C10orf90: variants seen among roughly 807,000 people sequenced by gnomAD.
The protein encoded by C10orf90 is chromosome 10 open reading frame 90, also known as (E2-independent) E3 ubiquitin-conjugating enzyme FATS.
Under a neutral mutation model 62.5 loss-of-function variants are expected in C10orf90, and 56 were observed. The observed-to-expected ratio is 0.90, with a 90% confidence interval of 0.72 to 1.12. The LOEUF (loss-of-function observed/expected upper bound fraction) is 1.12. Among genes scored for constraint, C10orf90 ranks in the 50% most tolerant of loss-of-function variants. The probability of loss-of-function intolerance (pLI) is 0.00; values close to 1 mark genes in which losing one functional copy is unlikely to be tolerated. For synonymous variants in C10orf90, 386 were observed against 340.4 expected (o/e 1.13, Z -1.47); for missense variants, 970 against 880.4 (o/e 1.10, Z -1.29).
At position 126,602,623 on chromosome 10, in the gene C10orf90, C is replaced by A. The variant is rs144488092; in HGVS notation, c.313+43942G>T. Among the ~76,000 whole-genome samples, 21 of 152,188 alleles carry A rather than the reference C, an allele frequency of 1.4e-4. 1 individual carries two copies. In the East Asian group the frequency reaches 4.1e-3, roughly 29 times the overall value. On this transcript the variant is annotated intron_variant, in intron 2 of 9. Transcript: ENST00000488181. Reference sequence around the variant, plus strand: ...GCCATTTTCCTGGTTTGGACAGAGCCCATAACCACACGAGTGCTTTGAATA... The same window carrying A: ...GCCATTTTCCTGGTTTGGACAGAGCACATAACCACACGAGTGCTTTGAATA...
chr10:126,440,437 G>A (rs1858231321), intron 7 of C10orf90, among the ~76,000 whole-genome samples: 1 of 152,128 alleles, frequency 6.6e-6, no homozygotes, highest in Non-Finnish European at 1.5e-5. Context: ...GCCCCCAGCT[G>A]ATGGTCCTTC....
chr10:126,629,044 A>G (rs1222856464), intron 2 of C10orf90, among the ~76,000 whole-genome samples: 1 of 152,194 alleles, frequency 6.6e-6, no homozygotes, highest in East Asian at 1.9e-4. Flanking sequence ...TGACACTGCC[A>G]ATGCACAAAT....
intron 4 of C10orf90, among the ~76,000 whole-genome samples, chr10:126,484,465 G>A (rs1166859340): frequency 1.3e-5 from 2 of 151,950 alleles, no homozygotes; most frequent in Non-Finnish European, 2.9e-5. Context: ...AATATACATG[G>A]CCAATACATG....
intron 2 of C10orf90, among the ~76,000 whole-genome samples, chr10:126,606,204 C>T (rs1315659119): frequency 3.3e-5 from 5 of 152,102 alleles, no homozygotes; most frequent in Non-Finnish European, 7.3e-5. Flanking sequence ...TGTACTGATG[C>T]ATTAATTAAA....
At position 126,583,526 on chromosome 10, in the gene C10orf90, C is replaced by G. The variant is rs545623823; in HGVS notation, c.313+63039G>C. On this transcript the variant is annotated intron_variant, in intron 2 of 9. Coordinates refer to ENST00000488181, the MANE Select transcript of C10orf90 (RefSeq NM_001350921.2). ...TGTTTCATATTTATGAGATTGAACACTATCAATTTTTTTCTTTTAAATAAT... is the reference window on the plus strand; with the variant it reads ...TGTTTCATATTTATGAGATTGAACAGTATCAATTTTTTTCTTTTAAATAAT... 4.6e-5 allele frequency among the ~76,000 whole-genome samples: 7 copies of G among 152,256 alleles called. No homozygotes were observed. The East Asian group carries it at 1.4e-3, about 29-fold the overall frequency.
intron 2 of C10orf90, among the ~76,000 whole-genome samples, chr10:126,566,017 C>T (rs1844378958): frequency 6.6e-6 from 1 of 152,322 alleles, no homozygotes; most frequent in East Asian, 1.9e-4. Flanking sequence ...TCAGACTACC[C>T]TATTGTCATT....
intron 2 of C10orf90, among the ~76,000 whole-genome samples, chr10:126,626,303 G>C (rs991330469): frequency 6.6e-6 from 1 of 152,160 alleles, no homozygotes; most frequent in African/African-American, 2.4e-5. Flanking sequence ...AACAGACAGG[G>C]AGGGGTTCTT....
intron 2 of C10orf90, among the ~76,000 whole-genome samples, chr10:126,612,878 C>G (rs973562971): frequency 6.6e-6 from 1 of 152,172 alleles, no homozygotes; most frequent in African/African-American, 2.4e-5. Context: ...TACTTTTCAG[C>G]TTCCAGCCTG....
rs544267579 is a variant in C10orf90 at position 126,558,006 on chromosome 10, G to T, written c.314-44067C>A. The stretch of plus-strand genomic sequence containing the variant: ...CCCAGCCAATGATGCAGTCCTGCTG[G>T]CAGCCCTCCTAACGCCCCTCAGACT... On this transcript the variant is annotated intron_variant, in intron 2 of 9. Transcript: ENST00000488181. Among the ~76,000 whole-genome samples the T allele has an allele frequency of 7.4e-4, 112 of 152,166 alleles. 5 individuals are homozygous for T. The highest frequency in any genetic ancestry group is 3.7e-4 in the Non-Finnish European group (25 of 68,008).
intron 2 of C10orf90, among the ~76,000 whole-genome samples, chr10:126,628,701 T>C (rs1278454081): frequency 1.3e-5 from 2 of 152,226 alleles, no homozygotes; most frequent in African/African-American, 4.8e-5. Context: ...TTCTGAACAC[T>C]TGGCAGTAAG....
chr10:126,505,638 G>A (rs890523754), intron 3 of C10orf90, among the ~76,000 whole-genome samples: 2 of 152,142 alleles, frequency 1.3e-5, no homozygotes, highest in African/African-American at 2.4e-5. Context: ...TGGAAGTCAA[G>A]GTCCAGAGAG....
At chr10:126,567,727 G>T (rs551377337) in intron 2 of C10orf90, among the ~76,000 whole-genome samples, 1 of 152,298 alleles carries the variant, frequency 6.6e-6, no homozygotes, top group South Asian at 2.1e-4. Context: ...ACACAGAGGT[G>T]TTGTCACTGT....
Position 126,572,849 on chromosome 10 carries a change from C to T in C10orf90, c.314-58910G>A, listed in dbSNP as rs535307306. ...GCACCATGACAGCTTACAAATGCAACGGCAATGTCAGGAAGTTACCCAATA... is the reference window on the plus strand; with the variant it reads ...GCACCATGACAGCTTACAAATGCAATGGCAATGTCAGGAAGTTACCCAATA... On this transcript the variant is annotated intron_variant, in intron 2 of 9. Coordinates refer to ENST00000488181, the MANE Select transcript of C10orf90 (RefSeq NM_001350921.2). Among the ~76,000 whole-genome samples, 19 of 152,078 alleles carry T rather than the reference C, an allele frequency of 1.2e-4. 1 individual carries two copies. The South Asian group carries it at 2.3e-3, about 18-fold the overall frequency.
intron 7 of C10orf90, among the ~76,000 whole-genome samples, chr10:126,441,502 C>T (rs1858326591): frequency 6.6e-6 from 1 of 152,038 alleles, no homozygotes; most frequent in African/African-American, 2.4e-5. Flanking sequence ...TTGCTAGAGA[C>T]CTAGACATCC....
chr10:126,545,907 T>C (rs181560530), intron 2 of C10orf90, among the ~76,000 whole-genome samples: 56 of 152,284 alleles, frequency 3.7e-4, no homozygotes, highest in African/African-American at 1.3e-3. Context: ...ATATATAAAA[T>C]ATATGTAAGA....
chr10:126,622,635 T>C (rs1056354432), intron 2 of C10orf90, among the ~76,000 whole-genome samples: 2 of 152,160 alleles, frequency 1.3e-5, no homozygotes, highest in African/African-American at 4.8e-5. Flanking sequence ...GACCCCTCCT[T>C]TATGAAACTC....
chr10:126,597,848 T>C (rs749438326), intron 2 of C10orf90, among the ~76,000 whole-genome samples: 8 of 152,200 alleles, frequency 5.3e-5, no homozygotes, highest in Non-Finnish European at 7.3e-5. Context: ...GATTAGTGTC[T>C]ATGTGTGTCA....
At chr10:126,563,406 C>T (rs781575119) in intron 2 of C10orf90, among the ~76,000 whole-genome samples, 2 of 152,114 alleles carry the variant, frequency 1.3e-5, no homozygotes, top group African/African-American at 4.8e-5. Flanking sequence ...TAACCAGAGC[C>T]ATAAATGGCC....
chr10:126,583,868 C>T (rs142063405), intron 2 of C10orf90, among the ~76,000 whole-genome samples: 300 of 152,208 alleles, frequency 2.0e-3, no homozygotes, highest in Middle Eastern at 0.01. Flanking sequence ...ATAATCCCAG[C>T]GTTTTGGGAG....
Sources: gnomAD v4.1 joint callset for allele counts (sites outside exome capture counted in the v4.1 genomes callset) on GRCh38, gnomAD v4.1.1 for gene constraint, MANE v1.5 for transcripts, NCBI Gene and HGNC (gene_info 2026-07-23, HGNC 2026-07-21) for gene names.